Variants in HSPB8 observed in about 807,000 individuals in gnomAD.
HSPB8 encodes heat shock protein beta-8.
In HSPB8, 9 loss-of-function variants were observed where a neutral mutation model predicts 16.5. The observed-to-expected ratio is 0.55, with a 90% confidence interval of 0.33 to 0.95. HSPB8 has a LOEUF of 0.95. Ranked by LOEUF, HSPB8 falls within the 40% of genes least tolerant of loss-of-function variation. HSPB8 has a pLI of 0.03. For missense variants in HSPB8, 238 were observed against 251.2 expected (o/e 0.95, Z 0.35); for synonymous variants, 99 against 94.8 (o/e 1.04, Z -0.26).
chr12:119,190,711 C>T (rs1954706987), intron 2 of HSPB8, among the ~76,000 whole-genome samples: 1 of 152,032 alleles, frequency 6.6e-6, no homozygotes, highest in African/African-American at 2.4e-5. Flanking sequence ...GAAATGTTCA[C>T]TGAGGAAAGC....
intron 1 of HSPB8, chr12:119,186,714 C>T: frequency 7.7e-6 from 2 of 261,050 alleles, no homozygotes; most frequent in Non-Finnish European, 1.6e-5. Flanking sequence ...TGGTACAACA[C>T]ATGGAAGATT....
At chr12:119,186,709 C>T (rs922710051) in intron 1 of HSPB8, 13 of 249,104 alleles carry the variant, frequency 5.2e-5, no homozygotes, top group Non-Finnish European at 9.8e-5. Context: ...AGATTTGGTA[C>T]AACACATGGA....
chr12:119,186,909 T>A, intron 1 of HSPB8, 116 bp from the exon 2 acceptor site: 1 of 916,508 alleles, frequency 1.1e-6, no homozygotes, highest in Non-Finnish European at 1.8e-6. Context: ...GTCTCTAGGG[T>A]AGGCCTAAGT....
rs369558551 is a variant in HSPB8 at position 119,187,126 on chromosome 12, G to A, written c.431+38G>A. ...GAGTCATGGAGCTCAGGGTGGGAGT[G>A]GAGGAGGGGGCACACCTGGGACCCA... On this transcript the variant is annotated intron_variant, in intron 2 of 2. Transcript: ENST00000281938. The A allele has an allele frequency of 7.8e-6, 12 of 1,541,884 alleles. No individual in the cohort carries two copies. The African/African-American group carries it at 1.5e-4, about 19-fold the overall frequency.
At chr12:119,185,389 A>G (rs965071277) in intron 1 of HSPB8, among the ~76,000 whole-genome samples, 1 of 152,090 alleles carries the variant, frequency 6.6e-6, no homozygotes, top group Non-Finnish European at 1.5e-5. Context: ...GCTGGAGCGC[A>G]GTGGCGCGAT....
chr12:119,191,883 A>G (rs68062239), intron 2 of HSPB8, among the ~76,000 whole-genome samples: 21,793 of 152,138 alleles, frequency 0.14, 2,672 homozygotes, highest in African/African-American at 0.32. Flanking sequence ...CCAGCTGAGC[A>G]ACCTTGGGCA....
chr12:119,182,491 A>G (rs1286781214), intron 1 of HSPB8, among the ~76,000 whole-genome samples: 1 of 151,890 alleles, frequency 6.6e-6, no homozygotes, highest in Admixed American at 6.6e-5. Flanking sequence ...TACAAAAATT[A>G]GCCGGGTGTG....
At chr12:119,190,516 T>C (rs1386424959) in intron 2 of HSPB8, among the ~76,000 whole-genome samples, 1 of 152,186 alleles carries the variant, frequency 6.6e-6, no homozygotes, top group African/African-American at 2.4e-5. Flanking sequence ...GTCTCAGCTT[T>C]CAAAGTCCAT....
At chr12:119,192,928 C>T (rs1954721219) in intron 2 of HSPB8, among the ~76,000 whole-genome samples, 1 of 151,994 alleles carries the variant, frequency 6.6e-6, no homozygotes, top group Non-Finnish European at 1.5e-5. Flanking sequence ...AGACTTATTC[C>T]CTACCATGAG....
chr12:119,180,899 G>A (rs1308519796), intron 1 of HSPB8, among the ~76,000 whole-genome samples: 2 of 152,176 alleles, frequency 1.3e-5, no homozygotes, highest in South Asian at 2.1e-4. Flanking sequence ...TCCAGCGGGT[G>A]TGGTGGGCTG....
chr12:119,179,759 C>T (rs1479905677), intron 1 of HSPB8, 80 bp downstream of exon 1: 21 of 1,506,196 alleles, frequency 1.4e-5, no homozygotes, highest in Admixed American at 2.3e-5. Flanking sequence ...GAGAAAGTTT[C>T]CTGGGAGCTG....
Position 119,179,624 on chromosome 12 carries a change from C to T in HSPB8, c.312C>T (p.Ser104=). The T allele has an allele frequency of 6.2e-6, 10 of 1,600,848 alleles. No individual in the cohort carries two copies. Among genetic ancestry groups the T allele is most frequent in the Non-Finnish European group, 6.8e-6 (8 of 1,173,224 alleles). Reference sequence around the variant, plus strand: ...GGAAAGTGTGTGTGAATGTGCACAGCTTCAAGCCAGAGGAGTTGATGGTGA... The same window carrying T: ...GGAAAGTGTGTGTGAATGTGCACAGTTTCAAGCCAGAGGAGTTGATGGTGA... ...EPWKVCVNVH[S]FKPEELMVKT... is the part of the protein sequence containing the mutation. The change falls in exon 1 of 3, where the codon AGC becomes AGT. Residue 104 remains serine (S), a synonymous_variant. Coordinates refer to ENST00000281938, the MANE Select transcript of HSPB8 (RefSeq NM_014365.3).
chr12:119,190,928 C>T lies in HSPB8; in HGVS notation c.432-2771C>T, dbSNP rs151088177. On this transcript the variant is annotated intron_variant, in intron 2 of 2. Coordinates refer to ENST00000281938, the MANE Select transcript of HSPB8 (RefSeq NM_014365.3). Reference sequence around the variant, plus strand: ...CTGAAAGAGAACTGAAGAGGAATTACTTTCCCACCAAATGGGTTTAAATAC... The same window carrying T: ...CTGAAAGAGAACTGAAGAGGAATTATTTTCCCACCAAATGGGTTTAAATAC... 6.6e-5 allele frequency among the ~76,000 whole-genome samples: 10 copies of T among 152,328 alleles called. No homozygotes were observed. The East Asian group carries it at 1.2e-3, about 18-fold the overall frequency.
chr12:119,189,878 C>T (rs369561701), intron 2 of HSPB8, among the ~76,000 whole-genome samples: 1 of 152,216 alleles, frequency 6.6e-6, no homozygotes, highest in South Asian at 2.1e-4. Flanking sequence ...CTTCCAACAA[C>T]TAAAGGGTCC....
chr12:119,187,410 A>T (rs1476042547), intron 2 of HSPB8, among the ~76,000 whole-genome samples: 8 of 152,164 alleles, frequency 5.3e-5, no homozygotes, highest in African/African-American at 1.9e-4. Flanking sequence ...TCTGGAGTGC[A>T]GCGGTGTGAT....
At chr12:119,187,449 G>A (rs1174548116) in intron 2 of HSPB8, among the ~76,000 whole-genome samples, 2 of 152,140 alleles carry the variant, frequency 1.3e-5, no homozygotes, top group Admixed American at 6.5e-5. Context: ...CCACCTCCTG[G>A]GTTCAAGCGG....
In HSPB8 at chr12:119,194,464, T is replaced by A. The variant is rs1018181488; in HGVS notation, c.*606T>A. ...GTTCTCAAAGTTTCCACATTAGCACTCCCTAAGGACGCTGGGAGCCTGTCA... is the reference window on the plus strand; with the variant it reads ...GTTCTCAAAGTTTCCACATTAGCACACCCTAAGGACGCTGGGAGCCTGTCA... On this transcript the variant is annotated 3_prime_UTR_variant, in exon 3 of 3. Coordinates refer to ENST00000281938, the MANE Select transcript of HSPB8 (RefSeq NM_014365.3). 1 of 162,222 alleles carries A rather than the reference T, an allele frequency of 6.2e-6. No individual in the cohort carries two copies. The highest frequency in any genetic ancestry group is 2.4e-5 in the African/African-American group (1 of 41,490). The allele number at this position is 162,222 out of a possible 1,614,324, so 10.0% of individuals were successfully genotyped here.
Position 119,187,105 on chromosome 12 carries a change from C to A in HSPB8, c.431+17C>A. On this transcript the variant is annotated intron_variant, in intron 2 of 2. Transcript: ENST00000281938. Reference sequence around the variant, plus strand: ...GAAAATCCAGTAAGTAACCTGGAGTCATGGAGCTCAGGGTGGGAGTGGAGG... The same window carrying A: ...GAAAATCCAGTAAGTAACCTGGAGTAATGGAGCTCAGGGTGGGAGTGGAGG... The A allele has an allele frequency of 6.2e-7, 1 of 1,606,978 alleles. No homozygotes were observed. The highest frequency in any genetic ancestry group is 1.1e-5 in the South Asian group (1 of 90,894).
At chr12:119,187,792 C>T (rs1278588270) in intron 2 of HSPB8, among the ~76,000 whole-genome samples, 1 of 152,180 alleles carries the variant, frequency 6.6e-6, no homozygotes, top group African/African-American at 2.4e-5. Flanking sequence ...TCCCCTGATT[C>T]CCCAAATGCC....
Sources: allele counts gnomAD v4.1 joint callset (sites outside exome capture counted in the v4.1 genomes callset), GRCh38; gene constraint gnomAD v4.1.1; transcripts MANE v1.5; gene names NCBI Gene and HGNC (gene_info 2026-07-23, HGNC 2026-07-21).